The following MSL1 variants were observed in gnomAD, a reference collection of about 807,000 sequenced individuals.
The protein encoded by MSL1 is MSL complex subunit 1.
MSL1 carries 21 observed loss-of-function variants against 64.6 expected under a neutral mutation model. The observed-to-expected ratio is 0.33, with a 90% CI of 0.23 to 0.47. The LOEUF is 0.47. Among genes scored for constraint, MSL1 ranks in the 20% least tolerant of loss-of-function variants. The pLI is 1.00. For synonymous variants in MSL1, 339 were observed against 329.6 expected (o/e 1.03, Z -0.31); for missense variants, 664 against 793.2 (o/e 0.84, Z 1.96).
intron 2 of MSL1, 79 bp from the exon 3 acceptor site, chr17:40,129,166 T>C (rs529093421): frequency 8.0e-7 from 1 of 1,252,974 alleles, no homozygotes; most frequent in East Asian, 2.4e-5. Context: ...CAGCTTATTC[T>C]TTTGCTCCAG....
chr17:40,127,147 G>A (rs945411117), intron 2 of MSL1, among the ~76,000 whole-genome samples: 2 of 151,886 alleles, frequency 1.3e-5, no homozygotes, highest in African/African-American at 4.8e-5. Context: ...AGGAGGGATC[G>A]CTTGCGCCCA....
chr17:40,122,685 T>C lies in MSL1; in HGVS notation c.73T>C (p.Tyr25His). Reference sequence around the variant, plus strand: ...CGGCAATCCTGAGCAGCGACTGGACTACGAGCGGGCTGCGGCGCTGGGCGG... The same window carrying C: ...CGGCAATCCTGAGCAGCGACTGGACCACGAGCGGGCTGCGGCGCTGGGCGG... ...AGGNPEQRLD[Y>H]ERAAALGGPE... Residue 25 changes from tyrosine to histidine, a missense_variant, in exon 1 of 9, where the codon TAC (tyrosine) becomes CAC (histidine). Transcript: ENST00000398532. This position sits in a 1 kb window ranked among gnomAD's most constrained non-coding sequence, Gnocchi z 4.2. The C allele has an allele frequency of 6.7e-7, 1 of 1,489,036 alleles. No individual in the cohort carries two copies. Among genetic ancestry groups the C allele is most frequent in the Admixed American group, 2.2e-5 (1 of 44,670 alleles). 92.2% of individuals were successfully genotyped at this position (1,489,036 alleles called of 1,614,324 possible). A position where few individuals can be genotyped will look rare whatever the true frequency, so the allele number is the denominator to read the frequency against.
Position 40,134,262 on chromosome 17 carries a change from T to C in MSL1, c.1755-17T>C, listed in dbSNP as rs1988496711. 6.4e-6 allele frequency: 10 copies of C among 1,551,260 alleles called. No homozygotes were observed. In the East Asian group the frequency reaches 2.4e-4, roughly 38 times the overall value. ...CTTCTAGTCTTGCAAGTTGATTTCC[T>C]CATCCTTTTTTGCCAGGAATTTTGA... On this transcript the variant is annotated splice_polypyrimidine_tract_variant and intron_variant, in intron 8 of 8. Transcript: ENST00000398532.
At chr17:40,132,756 G>C (rs1244116042) in intron 5 of MSL1, among the ~76,000 whole-genome samples, 2 of 152,182 alleles carry the variant, frequency 1.3e-5, no homozygotes, top group Non-Finnish European at 2.9e-5. Context: ...AGGCAGGGAG[G>C]GTTTATGACA....
At chr17:40,133,931 G>C (rs369952395) in intron 8 of MSL1, 32 bp downstream of exon 8, 44 of 1,573,018 alleles carry the variant, frequency 2.8e-5, no homozygotes, top group Non-Finnish European at 3.8e-5. Flanking sequence ...CCCCTTCCAG[G>C]TAACCTGCAC....
At position 40,135,356 on chromosome 17, in the gene MSL1, G is replaced by T. The variant is rs990623294; in HGVS notation, c.*987G>T. 1 of 152,172 alleles carries T rather than the reference G, an allele frequency of 6.6e-6. No individual in the cohort carries two copies. The highest frequency in any genetic ancestry group is 2.4e-5 in the African/African-American group (1 of 41,394). 9.4% of individuals were successfully genotyped at this position (152,172 alleles called of 1,614,324 possible). A position where few individuals can be genotyped will look rare whatever the true frequency, so the allele number is the denominator to read the frequency against. On this transcript the variant is annotated 3_prime_UTR_variant, in exon 9 of 9. Transcript: ENST00000398532. ...CACTTTGTAAAAATAATTTGTATGT[G>T]TACCATCTTGGTCCTCTCCCCTCCC...
chr17:40,133,861 T>G lies in MSL1; in HGVS notation c.1716T>G (p.Val572=). 1.2e-6 allele frequency: 2 copies of G among 1,614,024 alleles called. No individual in the cohort carries two copies. The highest frequency in any genetic ancestry group is 2.2e-5 in the South Asian group (2 of 91,086). The part of the protein sequence containing the change: ...ESLMITPFLP[V]VAFGRPLPKL... ...TGATGATTACCCCCTTCTTGCCTGT[T>G]GTAGCATTTGGACGACCATTACCAA... The change falls in exon 8 of 9, where the codon GTT becomes GTG. Residue 572 remains valine, a synonymous_variant. Coordinates refer to ENST00000398532, the MANE Select transcript of MSL1 (RefSeq NM_001365919.1).
chr17:40,131,545 A>G lies in MSL1; in HGVS notation c.1384A>G (p.Met462Val). 6.2e-7 allele frequency: 1 copy of G among 1,613,638 alleles called. No individual in the cohort carries two copies. Among genetic ancestry groups the G allele is most frequent in the Non-Finnish European group, 8.5e-7 (1 of 1,179,762 alleles). The change falls in exon 4 of 9, where the codon ATG becomes GTG. Residue 462 changes from methionine to valine, a missense_variant. Transcript: ENST00000398532. The surrounding 1 kb of genome is among the most constrained non-coding windows in gnomAD (Gnocchi z 4.5). ...TTTCCTGCATTATTTAGGGTGTCTGATGCCATCAAGTGTTGCAGGAGAAAC... is the reference window on the plus strand; with the variant it reads ...TTTCCTGCATTATTTAGGGTGTCTGGTGCCATCAAGTGTTGCAGGAGAAAC... ...KKEETVARCLMPSSVAGETSV... is the reference protein window; with the variant it reads ...KKEETVARCLVPSSVAGETSV...
rs373477235 is a variant in MSL1, at chr17:40,134,276, C to T, written c.1755-3C>T. ...AGTTGATTTCCTCATCCTTTTTTGC[C>T]AGGAATTTTGAGCTACCCTGGTTGG... is the stretch of plus-strand genomic sequence containing the variant. On this transcript the variant is annotated splice_region_variant and splice_polypyrimidine_tract_variant and intron_variant, in intron 8 of 8. Transcript: ENST00000398532. The T allele has an allele frequency of 4.5e-6, 7 of 1,550,984 alleles. No individual in the cohort carries two copies. Among genetic ancestry groups the T allele is most frequent in the South Asian group, 1.2e-5 (1 of 83,778 alleles).
intron 1 of MSL1, among the ~76,000 whole-genome samples, chr17:40,123,603 T>G (rs1218467156): frequency 1.3e-5 from 2 of 149,690 alleles, no homozygotes; most frequent in Non-Finnish European, 3.0e-5. Context: ...GGGGGAGGGG[T>G]TTCAGGTGCC....
At chr17:40,134,167 T>G in intron 8 of MSL1, 112 bp from the exon 9 acceptor site, 1 of 864,180 alleles carries the variant, frequency 1.2e-6, no homozygotes, top group East Asian at 2.6e-5. Flanking sequence ...CACTCCAAAC[T>G]AGTCAGGGAT....
At chr17:40,133,012 A>G (rs771338288) in intron 5 of MSL1, 30 bp from the exon 6 acceptor site, 2 of 1,591,816 alleles carry the variant, frequency 1.3e-6, no homozygotes, top group South Asian at 1.1e-5. Flanking sequence ...ATGGTGATAA[A>G]TAGCTTATCA....
At position 40,134,635 on chromosome 17, in the gene MSL1, A is replaced by C. The variant is rs1461171869; in HGVS notation, c.*266A>C. 2 of 448,200 alleles carry C rather than the reference A, an allele frequency of 4.5e-6. No homozygotes were observed. The highest frequency in any genetic ancestry group is 2.0e-5 in the African/African-American group (1 of 50,338). 27.8% of individuals were successfully genotyped at this position (448,200 alleles called of 1,614,324 possible). On this transcript the variant is annotated 3_prime_UTR_variant, in exon 9 of 9. Transcript: ENST00000398532. ...GCTAAAGCTATAGGATGGCAGATTC[A>C]GAAGTTTCAGGGGTCTGTTTCTATA...
chr17:40,131,814 A>G lies in MSL1; in HGVS notation c.1424-220A>G. 1.6e-6 allele frequency: 1 copy of G among 616,346 alleles called. No individual in the cohort carries two copies. Among genetic ancestry groups the G allele is most frequent in the Non-Finnish European group, 2.9e-6 (1 of 347,668 alleles). The allele number at this position is 616,346 out of a possible 1,614,324, so 38.2% of individuals were successfully genotyped here. On this transcript the variant is annotated intron_variant, in intron 4 of 8. Transcript: ENST00000398532. This position sits in a 1 kb window ranked among gnomAD's most constrained non-coding sequence, Gnocchi z 4.5. ...CAGGTATTGGTTTAGGGTTTTTGTG[A>G]TCCTGAGTTTGGCAGACTGCAATGG...
chr17:40,130,150 C>T (rs1988411354), intron 3 of MSL1: 1 of 152,238 alleles, frequency 6.6e-6, no homozygotes, highest in African/African-American at 2.4e-5. Flanking sequence ...ATGTCCCTGT[C>T]TGGGGGGCAG....
chr17:40,125,551 G>A (rs1481974153), intron 1 of MSL1, among the ~76,000 whole-genome samples: 8 of 152,174 alleles, frequency 5.3e-5, no homozygotes, highest in African/African-American at 1.7e-4. Flanking sequence ...GGTGGCTCAC[G>A]CCTGTAATCC....
Position 40,122,525 on chromosome 17 carries a change from C to T in MSL1, c.-88C>T, listed in dbSNP as rs1988201320. On this transcript the variant is annotated 5_prime_UTR_variant, in exon 1 of 9. Transcript: ENST00000398532. This position sits in a 1 kb window ranked among gnomAD's most constrained non-coding sequence, Gnocchi z 4.2. ...GCTGAGGCGAGCCCGCCAAACTCCC[C>T]TCCCCCCCCTCAGTCCTCGACCCCC... The T allele has an allele frequency of 3.3e-6, 3 of 915,038 alleles. No homozygotes were observed. Among genetic ancestry groups the T allele is most frequent in the Admixed American group, 4.3e-5 (1 of 23,496 alleles). 56.7% of individuals were successfully genotyped at this position (915,038 alleles called of 1,614,324 possible).
chr17:40,133,917 T>G lies in MSL1; in HGVS notation c.1754+18T>G. 2 of 1,606,628 alleles carry G rather than the reference T, an allele frequency of 1.2e-6. No individual in the cohort carries two copies. The highest frequency in any genetic ancestry group is 2.7e-5 in the African/African-American group (2 of 74,864). ...ACTCCACAGTAAGTATACATTTTTT[T>G]TCTCCCCTTCCAGGTAACCTGCACA... On this transcript the variant is annotated intron_variant, in intron 8 of 8. Transcript: ENST00000398532.
In MSL1 at chr17:40,131,791, G is replaced by A; in HGVS notation, c.1423+207G>A. ...TATAGCATCATTATATGAATTGTCA[G>A]GTATTGGTTTAGGGTTTTTGTGATC... On this transcript the variant is annotated intron_variant, in intron 4 of 8. Coordinates refer to ENST00000398532, the MANE Select transcript of MSL1 (RefSeq NM_001365919.1). The surrounding 1 kb of genome is among the most constrained non-coding windows in gnomAD (Gnocchi z 4.5). The A allele has an allele frequency of 3.2e-6, 2 of 630,422 alleles. No individual in the cohort carries two copies. Among genetic ancestry groups the A allele is most frequent in the Non-Finnish European group, 5.6e-6 (2 of 354,266 alleles). The allele number at this position is 630,422 out of a possible 1,614,324, so 39.1% of individuals were successfully genotyped here.
Sources: gnomAD v4.1 joint callset for allele counts (sites outside exome capture counted in the v4.1 genomes callset) on GRCh38, gnomAD v4.1.1 for gene constraint, Gnocchi (gnomAD v3.1) non-coding constraint, MANE v1.5 for transcripts, NCBI Gene and HGNC (gene_info 2026-07-23, HGNC 2026-07-21) for gene names.